The following MVB12B variants were observed in gnomAD, a reference collection of about 807,000 sequenced individuals.
MVB12B encodes ESCRT-I complex subunit MVB12B.
MVB12B carries 16 observed loss-of-function variants against 41.6 expected under a neutral mutation model. The ratio of observed to expected loss-of-function variants is 0.38; its 90% CI spans 0.26 to 0.58. The LOEUF is 0.58. Among genes scored for constraint, MVB12B ranks in the 20% least tolerant of loss-of-function variants. The probability of loss-of-function intolerance (pLI) is 0.62; values close to 1 mark genes in which losing one functional copy is unlikely to be tolerated. For synonymous variants in MVB12B, 133 were observed against 139.7 expected, an observed-to-expected ratio of 0.95 and a Z score of 0.34; for missense variants, 274 against 380.2, an observed-to-expected ratio of 0.72 and a Z score of 2.32.
intron 2 of MVB12B, among the ~76,000 whole-genome samples, chr9:126,362,776 A>G (rs1328563739): frequency 6.6e-6 from 1 of 152,252 alleles, no homozygotes; most frequent in Non-Finnish European, 1.5e-5. Context: ...TTACAGAGCT[A>G]ATTTACCAAG....
chr9:126,431,041 A>G (rs1832315865), intron 7 of MVB12B, among the ~76,000 whole-genome samples: 1 of 152,242 alleles, frequency 6.6e-6, no homozygotes, highest in Admixed American at 6.5e-5. Flanking sequence ...TCCAAGAAAG[A>G]GCCCAAAGAC....
chr9:126,350,115 T>G (rs1330842378), intron 2 of MVB12B, among the ~76,000 whole-genome samples: 1 of 152,264 alleles, frequency 6.6e-6, no homozygotes, highest in Non-Finnish European at 1.5e-5. Context: ...TCTTTTCATG[T>G]GCTTATTTGC....
chr9:126,483,053 C>T (rs1479856165), intron 8 of MVB12B, among the ~76,000 whole-genome samples: 1 of 152,244 alleles, frequency 6.6e-6, no homozygotes, highest in Non-Finnish European at 1.5e-5. Context: ...GGCTCCAGCT[C>T]CCCTCCCATC....
intron 7 of MVB12B, among the ~76,000 whole-genome samples, chr9:126,467,318 G>T (rs1172741986): frequency 6.6e-6 from 1 of 152,160 alleles, no homozygotes; most frequent in Non-Finnish European, 1.5e-5. Context: ...GAATCCTCCT[G>T]AGGCCATCGA....
At chr9:126,336,737 CAT>C (rs749487299) in intron 1 of MVB12B, among the ~76,000 whole-genome samples, 19 of 131,370 alleles carry the variant, frequency 1.4e-4, no homozygotes, top group Non-Finnish European at 2.7e-4. Context: ...GGCGCACATA[CAT>C]GTTTGTGTGT....
Position 126,395,723 on chromosome 9 carries a change from G to A in MVB12B, c.662+26G>A, listed in dbSNP as rs722538. On this transcript the variant is annotated intron_variant, in intron 6 of 9. Transcript: ENST00000361171. The surrounding 1 kb of genome is among the most constrained non-coding windows in gnomAD (Gnocchi z 4.9). Reference sequence around the variant, plus strand: ...GTGAGGCCTTGTCGGGGTGTCTTGCGTTGTCCTGTGGTCTTAGGTCCCTGC... The same window carrying A: ...GTGAGGCCTTGTCGGGGTGTCTTGCATTGTCCTGTGGTCTTAGGTCCCTGC... 523,798 of 1,612,950 alleles carry A rather than the reference G, an allele frequency of 0.32. 88,006 individuals carry two copies. The highest frequency in any genetic ancestry group is 0.43 in the South Asian group (39,436 of 91,000).
At chr9:126,454,826 A>G (rs59947127) in intron 7 of MVB12B, among the ~76,000 whole-genome samples, 1 of 151,652 alleles carries the variant, frequency 6.6e-6, no homozygotes. Flanking sequence ...ATGCTTCCTT[A>G]ATCAATGTTC....
rs375997379 is a variant in MVB12B, at chr9:126,427,999, G to C, written c.757+6051G>C. 4.6e-5 allele frequency among the ~76,000 whole-genome samples: 7 copies of C among 150,984 alleles called. No homozygotes were observed. In the East Asian group the frequency reaches 1.4e-3, roughly 29 times the overall value. ...TTCTTTTTGATTGCTGGAAAAGCCA[G>C]CTTATTGCCCTCCACAGCTGTTTGC... is the stretch of plus-strand genomic sequence containing the variant. On this transcript the variant is annotated intron_variant, in intron 7 of 9. Coordinates refer to ENST00000361171, the MANE Select transcript of MVB12B (RefSeq NM_033446.3).
At chr9:126,344,625 C>G (rs1230929030) in intron 2 of MVB12B, among the ~76,000 whole-genome samples, 1 of 152,230 alleles carries the variant, frequency 6.6e-6, no homozygotes, top group Non-Finnish European at 1.5e-5. Flanking sequence ...TTGGACACCG[C>G]TCTCCCTGCG....
chr9:126,496,559 AG>A (rs1460399545), intron 9 of MVB12B, among the ~76,000 whole-genome samples: 4 of 148,860 alleles, frequency 2.7e-5, no homozygotes, highest in Non-Finnish European at 4.4e-5. Context: ...GAGCATGAGG[AG>A]GGTATAGAAA....
At chr9:126,408,656 G>T (rs565751357) in intron 6 of MVB12B, among the ~76,000 whole-genome samples, 2 of 150,324 alleles carry the variant, frequency 1.3e-5, no homozygotes, top group Non-Finnish European at 3.0e-5. Flanking sequence ...AAGCAGAAAG[G>T]TCTCTGGACC....
chr9:126,379,386 C>T (rs971332231), intron 2 of MVB12B, among the ~76,000 whole-genome samples: 1 of 151,894 alleles, frequency 6.6e-6, no homozygotes, highest in Non-Finnish European at 1.5e-5. Flanking sequence ...TGGGAGAAAA[C>T]AAGCATAGGG....
Position 126,396,524 on chromosome 9 carries a change from C to T in MVB12B, c.662+827C>T, listed in dbSNP as rs539013465. On this transcript the variant is annotated intron_variant, in intron 6 of 9. Coordinates refer to ENST00000361171, the MANE Select transcript of MVB12B (RefSeq NM_033446.3). ...GAGATGAACAAAATCTGTCAGGAAC[C>T]GGACAGAAGAGTCACCAGTAGGTCT... 6.3e-5 allele frequency: 62 copies of T among 985,474 alleles called. No homozygotes were observed. The African/African-American group carries it at 9.6e-4, about 15-fold the overall frequency. 61.0% of individuals were successfully genotyped at this position (985,474 alleles called of 1,614,324 possible).
At chr9:126,339,788 C>T (rs62569316) in intron 1 of MVB12B, among the ~76,000 whole-genome samples, 15 of 152,122 alleles carry the variant, frequency 9.9e-5, no homozygotes, top group African/African-American at 3.4e-4. Flanking sequence ...TTTTTTTGAG[C>T]GCCTACTGTA....
chr9:126,335,807 TG>T (rs1454689867), intron 1 of MVB12B, among the ~76,000 whole-genome samples: 2 of 152,246 alleles, frequency 1.3e-5, no homozygotes, highest in Non-Finnish European at 2.9e-5. Flanking sequence ...CCCTTGACTT[TG>T]GATTTCAAGC....
chr9:126,478,702 G>A lies in MVB12B; in HGVS notation c.758-2667G>A, dbSNP rs1833466506. On this transcript the variant is annotated intron_variant, in intron 7 of 9. Coordinates refer to ENST00000361171, the MANE Select transcript of MVB12B (RefSeq NM_033446.3). This position sits in a 1 kb window ranked among gnomAD's most constrained non-coding sequence, Gnocchi z 4.2. ...GTCCATTGGAGGCACAGGCAGTACT[G>A]ACAGCCTCTGACTAGGGAGGCCTCC... 6.6e-6 allele frequency among the ~76,000 whole-genome samples: 1 copy of A among 152,120 alleles called. No homozygotes were observed. The highest frequency in any genetic ancestry group is 1.5e-5 in the Non-Finnish European group (1 of 68,020).
At chr9:126,403,950 C>CT (rs36030597) in intron 6 of MVB12B, among the ~76,000 whole-genome samples, 2,401 of 104,672 alleles carry the variant, frequency 0.023, 70 homozygotes, top group East Asian at 0.09. Context: ...TCCTTTAAAT[C>CT]TTTTTTTTTT....
intron 6 of MVB12B, among the ~76,000 whole-genome samples, chr9:126,415,870 G>A (rs1218381793): frequency 6.6e-6 from 1 of 152,204 alleles, no homozygotes; most frequent in African/African-American, 2.4e-5. Context: ...TTATAAGAGT[G>A]TGGCGGGGTG....
chr9:126,368,988 T>G (rs969275961), intron 2 of MVB12B, among the ~76,000 whole-genome samples: 13 of 152,220 alleles, frequency 8.5e-5, no homozygotes, highest in African/African-American at 3.1e-4. Context: ...GTGTAGACCC[T>G]CCACACTCTT....
Sources: allele counts gnomAD v4.1 joint callset (sites outside exome capture counted in the v4.1 genomes callset), GRCh38; gene constraint gnomAD v4.1.1; non-coding constraint Gnocchi (gnomAD v3.1); transcripts MANE v1.5; gene names NCBI Gene and HGNC (gene_info 2026-07-23, HGNC 2026-07-21).